The following RARB variants were observed in gnomAD, a reference collection of about 807,000 sequenced individuals.
RARB encodes the protein retinoic acid receptor beta.
RARB carries 17 observed loss-of-function variants against 51.9 expected under a neutral mutation model. The observed-to-expected ratio is 0.33, with a 90% CI of 0.22 to 0.49. RARB has a LOEUF of 0.49. RARB is among the 20% of genes least tolerant of loss of function. The pLI is 0.99. For synonymous variants in RARB, 215 were observed against 195.4 expected, an observed-to-expected ratio of 1.10 and a Z score of -0.84; for missense variants, 369 against 550.8, an observed-to-expected ratio of 0.67 and a Z score of 3.30.
intron 3 of RARB, among the ~76,000 whole-genome samples, chr3:25,518,509 A>G (rs925710847): frequency 5.3e-5 from 8 of 151,984 alleles, no homozygotes; most frequent in African/African-American, 1.7e-4. Context: ...TAGTTATTCA[A>G]TCTCATCTGT....
At chr3:25,103,778 T>C (rs1010131111) in intron 3 of RARB, among the ~76,000 whole-genome samples, 1 of 152,238 alleles carries the variant, frequency 6.6e-6, no homozygotes, top group Non-Finnish European at 1.5e-5. Flanking sequence ...GGGGTTCTTA[T>C]TTTCCTCCAT....
rs192965321 is a variant in RARB at position 25,160,457 on chromosome 3, T to A, written c.-279-13662T>A. Among the ~76,000 whole-genome samples, 4 of 152,308 alleles carry A rather than the reference T, an allele frequency of 2.6e-5. No individual in the cohort carries two copies. The East Asian group carries it at 7.7e-4, about 29-fold the overall frequency. ...GCTGCAGCATTGCAGGGAGTTTTCA[T>A]AGCCAGCAGTGAGCATCTTCAAGTT... On this transcript the variant is annotated intron_variant, in intron 4 of 11. Transcript: ENST00000383772.
At chr3:24,991,435 C>G (rs901696907) in intron 2 of RARB, among the ~76,000 whole-genome samples, 11 of 140,842 alleles carry the variant, frequency 7.8e-5, no homozygotes, top group African/African-American at 2.7e-4. Flanking sequence ...AAGAGCAAAA[C>G]TCTGTCTCAA....
At chr3:25,463,308 G>A (rs1161211313) in intron 2 of RARB, among the ~76,000 whole-genome samples, 1 of 152,108 alleles carries the variant, frequency 6.6e-6, no homozygotes, top group Non-Finnish European at 1.5e-5. Context: ...AAAGTGGTTG[G>A]GGACCCTAGC....
intron 5 of RARB, among the ~76,000 whole-genome samples, chr3:25,291,324 GCAGAAAC>G (rs759011720): frequency 2.5e-4 from 38 of 152,248 alleles, no homozygotes; most frequent in Non-Finnish European, 5.1e-4. Context: ...AACTGCACTT[GCAGAAAC>G]CAGTCATTAA....
At chr3:25,567,319 G>GC (rs1185048444) in intron 3 of RARB, among the ~76,000 whole-genome samples, 1 of 152,026 alleles carries the variant, frequency 6.6e-6, no homozygotes, top group Admixed American at 6.5e-5. Context: ...CCACCAACTT[G>GC]CCCCCGTACC....
chr3:25,416,306 T>C lies in RARB; in HGVS notation c.179-44887T>C, dbSNP rs572635203. ...TACGGGGTTGAGGCGGGAGGATCGCTTGAGCCTGTGAGATTGAGGCTGTAG... is the reference window on the plus strand; with the variant it reads ...TACGGGGTTGAGGCGGGAGGATCGCCTGAGCCTGTGAGATTGAGGCTGTAG... On this transcript the variant is annotated intron_variant, in intron 5 of 11. Transcript: ENST00000383772. 1.8e-3 allele frequency among the ~76,000 whole-genome samples: 277 copies of C among 152,312 alleles called. 1 individual carries two copies. Among genetic ancestry groups the C allele is most frequent in the Non-Finnish European group, 2.3e-3 (155 of 68,028 alleles).
chr3:24,873,518 T>C (rs1702984978), intron 2 of RARB, among the ~76,000 whole-genome samples: 2 of 152,080 alleles, frequency 1.3e-5, no homozygotes, highest in Non-Finnish European at 2.9e-5. Flanking sequence ...TGTTTTTCTT[T>C]TTTAGTCTTC....
At chr3:25,374,738 T>C (rs1253602017) in intron 5 of RARB, among the ~76,000 whole-genome samples, 2 of 152,194 alleles carry the variant, frequency 1.3e-5, no homozygotes, top group African/African-American at 4.8e-5. Flanking sequence ...CCATCCTCCA[T>C]TGGCTCCCTC....
At chr3:25,463,493 T>C (rs1695285139) in intron 2 of RARB, among the ~76,000 whole-genome samples, 3 of 152,002 alleles carry the variant, frequency 2.0e-5, no homozygotes, top group Admixed American at 1.3e-4. Context: ...TGAAACCCCA[T>C]CTCTACTAAA....
chr3:25,147,222 A>G (rs1332953834), intron 4 of RARB, among the ~76,000 whole-genome samples: 1 of 152,078 alleles, frequency 6.6e-6, no homozygotes, highest in Non-Finnish European at 1.5e-5. Context: ...ACTCTAGGTG[A>G]TTATCTTCAG....
intron 2 of RARB, among the ~76,000 whole-genome samples, chr3:24,879,241 A>G (rs149326661): frequency 0.025 from 3,727 of 152,020 alleles, 85 homozygotes; most frequent in Middle Eastern, 0.065. Flanking sequence ...CATCCTGGCT[A>G]ACACAGTGAA....
chr3:24,882,309 T>A (rs896543684), intron 2 of RARB, among the ~76,000 whole-genome samples: 3 of 152,182 alleles, frequency 2.0e-5, no homozygotes, highest in Admixed American at 6.5e-5. Flanking sequence ...CATTTAAAAA[T>A]TTTTAAAAAA....
intron 3 of RARB, among the ~76,000 whole-genome samples, chr3:25,539,013 G>A (rs968637547): frequency 6.6e-6 from 1 of 152,136 alleles, no homozygotes; most frequent in African/African-American, 2.4e-5. Context: ...CTTTTTAAAA[G>A]GTTTCTTTGT....
At chr3:25,560,010 A>G (rs1339179542) in intron 3 of RARB, among the ~76,000 whole-genome samples, 2 of 152,262 alleles carry the variant, frequency 1.3e-5, no homozygotes, top group East Asian at 1.9e-4. Flanking sequence ...GTTCAGATCT[A>G]TAATGATTAG....
intron 3 of RARB, among the ~76,000 whole-genome samples, chr3:25,567,896 A>C (rs1575526580): frequency 1.3e-5 from 2 of 151,502 alleles, no homozygotes; most frequent in Admixed American, 6.6e-5. Context: ...AGCAGCCCAG[A>C]CTCCATCCTC....
intron 2 of RARB, among the ~76,000 whole-genome samples, chr3:25,496,099 A>C (rs193031948): frequency 6.6e-6 from 1 of 152,212 alleles, no homozygotes; most frequent in Non-Finnish European, 1.5e-5. Flanking sequence ...TAAGAAACTA[A>C]GGTATAATCC....
intron 5 of RARB, among the ~76,000 whole-genome samples, chr3:25,199,012 T>C (rs1264035138): frequency 1.3e-5 from 2 of 152,168 alleles, no homozygotes; most frequent in African/African-American, 2.4e-5. Context: ...TGTAGCACTA[T>C]TCACAATGGC....
intron 4 of RARB, among the ~76,000 whole-genome samples, chr3:25,138,315 G>T (rs1272220007): frequency 6.6e-6 from 1 of 150,644 alleles, no homozygotes; most frequent in Non-Finnish European, 1.5e-5. Context: ...ACAACCTTTT[G>T]AAAGCAGCAC....
Sources: allele counts gnomAD v4.1 joint callset (sites outside exome capture counted in the v4.1 genomes callset), GRCh38; gene constraint gnomAD v4.1.1; transcripts MANE v1.5; gene names NCBI Gene and HGNC (gene_info 2026-07-23, HGNC 2026-07-21).